Variants in RGS6 observed in about 807,000 individuals in gnomAD.
RGS6 encodes the protein regulator of G protein signaling 6.
In RGS6, 30 loss-of-function variants were observed where a neutral mutation model predicts 78.5. The observed-to-expected ratio is 0.38, with a 90% confidence interval of 0.29 to 0.52. The LOEUF (loss-of-function observed/expected upper bound fraction) is 0.52. RGS6 is among the 20% of genes least tolerant of loss of function. The pLI is 0.85. For missense variants in RGS6, 495 were observed against 609.7 expected (o/e 0.81, Z 1.98); for synonymous variants, 206 against 206.0 (o/e 1.00, Z 0.00).
At chr14:71,936,273 A>G (rs1053140246) in intron 1 of RGS6, among the ~76,000 whole-genome samples, 3 of 151,938 alleles carry the variant, frequency 2.0e-5, no homozygotes, top group Non-Finnish European at 2.9e-5. Flanking sequence ...GGAAGCATCC[A>G]GCATGGGAGA....
intron 16 of RGS6, among the ~76,000 whole-genome samples, chr14:72,537,336 G>A (rs1019121145): frequency 1.3e-4 from 20 of 152,282 alleles, no homozygotes; most frequent in Admixed American, 4.6e-4. Flanking sequence ...CATGTGCCAG[G>A]ATCCTGTCTG....
chr14:72,529,726 G>A (rs77856223), intron 15 of RGS6, among the ~76,000 whole-genome samples: 3,282 of 152,264 alleles, frequency 0.022, 115 homozygotes, highest in African/African-American at 0.073. Context: ...CTTTGATGAG[G>A]ATCTTTCTGG....
In RGS6 at chr14:72,462,634, C is replaced by A. The variant is rs541370811; in HGVS notation, c.394+2951C>A. Among the ~76,000 whole-genome samples the A allele has an allele frequency of 3.3e-5, 5 of 152,236 alleles. No individual in the cohort carries two copies. The East Asian group carries it at 9.6e-4, about 29-fold the overall frequency. The stretch of plus-strand genomic sequence containing the variant: ...TTCCAGCACCTAAAACGGTACTTGG[C>A]CCATAGGAGACACTCAGTACATTTT... On this transcript the variant is annotated intron_variant, in intron 6 of 17. Transcript: ENST00000553525.
intron 2 of RGS6, among the ~76,000 whole-genome samples, chr14:72,184,602 A>G (rs2097215281): frequency 6.6e-6 from 1 of 152,206 alleles, no homozygotes; most frequent in Admixed American, 6.5e-5. Context: ...TCCAGATCTT[A>G]AAATGCTCTG....
intron 2 of RGS6, among the ~76,000 whole-genome samples, chr14:71,966,381 G>T (rs1266271347): frequency 6.6e-6 from 1 of 152,162 alleles, no homozygotes; most frequent in African/African-American, 2.4e-5. Context: ...CCATCTCTAA[G>T]AATCATGCTT....
intron 2 of RGS6, among the ~76,000 whole-genome samples, chr14:72,216,621 G>A (rs117355872): frequency 0.04 from 6,017 of 152,262 alleles, 169 homozygotes; most frequent in Non-Finnish European, 0.057. Flanking sequence ...TTACAATTTT[G>A]GTTCTAAGGA....
At chr14:72,321,906 G>A (rs1333198374) in intron 2 of RGS6, among the ~76,000 whole-genome samples, 2 of 151,834 alleles carry the variant, frequency 1.3e-5, no homozygotes, top group East Asian at 3.9e-4. Context: ...CTATACTTTA[G>A]ACCACACAGA....
At chr14:71,993,474 G>A (rs2095056491) in intron 2 of RGS6, among the ~76,000 whole-genome samples, 1 of 152,078 alleles carries the variant, frequency 6.6e-6, no homozygotes, top group African/African-American at 2.4e-5. Context: ...TAGCCACAAT[G>A]CTTTATTTTA....
intron 1 of RGS6, among the ~76,000 whole-genome samples, chr14:71,959,385 A>G (rs1465754989): frequency 6.6e-6 from 1 of 152,148 alleles, no homozygotes; most frequent in Non-Finnish European, 1.5e-5. Flanking sequence ...AGAATTTGAT[A>G]TAATATGGAG....
At chr14:71,966,245 A>G (rs2093503680) in intron 2 of RGS6, among the ~76,000 whole-genome samples, 1 of 152,288 alleles carries the variant, frequency 6.6e-6, no homozygotes, top group East Asian at 1.9e-4. Flanking sequence ...GTGGAACTAG[A>G]TATTCCTGGA....
chr14:72,000,848 G>A (rs1222781940), intron 2 of RGS6, among the ~76,000 whole-genome samples: 1 of 152,136 alleles, frequency 6.6e-6, no homozygotes. Context: ...TTCTCTTGAG[G>A]AGTTTCATAT....
intron 3 of RGS6, among the ~76,000 whole-genome samples, chr14:72,431,693 A>G (rs2094648145): frequency 6.6e-6 from 1 of 151,960 alleles, no homozygotes; most frequent in Admixed American, 6.6e-5. Flanking sequence ...TCCTAACCAG[A>G]TGTTAGCTCT....
rs527680328 is a variant in RGS6, at chr14:72,102,620, T to G, written c.84+137745T>G. Among the ~76,000 whole-genome samples, 5 of 152,290 alleles carry G rather than the reference T, an allele frequency of 3.3e-5. No individual in the cohort carries two copies. In the East Asian group the frequency reaches 9.6e-4, roughly 29 times the overall value. ...ACATGGTAGAGTCAAGATTTTAATT[T>G]AGCATGCCTAACTGTAAAGCACCTT... On this transcript the variant is annotated intron_variant, in intron 2 of 17. Coordinates refer to ENST00000553525, the MANE Select transcript of RGS6 (RefSeq NM_001204424.2).
the RGS6 span, among the ~76,000 whole-genome samples, chr14:71,889,583 G>A: frequency 1.3e-3 from 191 of 152,256 alleles, no homozygotes; most frequent in Middle Eastern, 3.4e-3. Context: ...CAACTGCTTC[G>A]TCAGAGAGGG....
At chr14:72,451,401 T>C (rs951307318) in intron 3 of RGS6, among the ~76,000 whole-genome samples, 1 of 152,040 alleles carries the variant, frequency 6.6e-6, no homozygotes, top group Non-Finnish European at 1.5e-5. Context: ...AACCACGGCC[T>C]GGTGGACTGG....
intron 2 of RGS6, among the ~76,000 whole-genome samples, chr14:72,244,233 C>T (rs1248682793): frequency 6.7e-6 from 1 of 149,988 alleles, no homozygotes; most frequent in Non-Finnish European, 1.5e-5. Context: ...AGCCCCTGCC[C>T]CATGCTTTTG....
intron 2 of RGS6, among the ~76,000 whole-genome samples, chr14:72,209,155 T>C (rs775521789): frequency 2.4e-4 from 36 of 152,078 alleles, no homozygotes; most frequent in Non-Finnish European, 2.6e-4. Flanking sequence ...GTGGGAGGAT[T>C]GCTTGAGCCT....
rs183371047 is a variant in RGS6 at position 71,945,943 on chromosome 14, G to A, written c.-21+13002G>A. 2.1e-4 allele frequency among the ~76,000 whole-genome samples: 32 copies of A among 152,156 alleles called. No individual in the cohort carries two copies. The East Asian group carries it at 6.2e-3, about 29-fold the overall frequency. ...AGAAAAAAAAGATTAAATAACATATGCAATATATTTTCTCCTTAAACTTCT... is the reference window on the plus strand; with the variant it reads ...AGAAAAAAAAGATTAAATAACATATACAATATATTTTCTCCTTAAACTTCT... On this transcript the variant is annotated intron_variant, in intron 1 of 17. Coordinates refer to ENST00000553525, the MANE Select transcript of RGS6 (RefSeq NM_001204424.2).
At chr14:72,542,505 T>G (rs1158736210) in intron 17 of RGS6, among the ~76,000 whole-genome samples, 1 of 152,236 alleles carries the variant, frequency 6.6e-6, no homozygotes, top group Admixed American at 6.5e-5. Flanking sequence ...TAAAACTAAA[T>G]GAAGGGCCAG....
Sources: allele counts gnomAD v4.1 joint callset (sites outside exome capture counted in the v4.1 genomes callset), GRCh38; gene constraint gnomAD v4.1.1; transcripts MANE v1.5; gene names NCBI Gene and HGNC (gene_info 2026-07-23, HGNC 2026-07-21).